The following NT5DC1 variants were observed in gnomAD, a reference collection of about 807,000 sequenced individuals.
NT5DC1 encodes the protein 5'-nucleotidase domain-containing protein 1.
In NT5DC1, 42 loss-of-function variants were observed where a neutral mutation model predicts 59.4. That is an observed-to-expected ratio of 0.71 (90% CI 0.55 to 0.92). The LOEUF (loss-of-function observed/expected upper bound fraction) is 0.92. Ranked by LOEUF, NT5DC1 falls within the 40% of genes least tolerant of loss-of-function variation. The probability of loss-of-function intolerance (pLI) is 0.00; values close to 1 mark genes in which losing one functional copy is unlikely to be tolerated. For missense variants in NT5DC1, 501 were observed against 537.1 expected (o/e 0.93, Z 0.66); for synonymous variants, 172 against 188.1 (o/e 0.91, Z 0.70).
chr6:116,138,951 T>C (rs1779693956), intron 6 of NT5DC1, among the ~76,000 whole-genome samples: 2 of 152,258 alleles, frequency 1.3e-5, no homozygotes, highest in South Asian at 4.1e-4. Context: ...CATTATTAGT[T>C]TTGTGACCAG....
chr6:116,101,308 G>A (rs1388242417), intron 1 of NT5DC1, among the ~76,000 whole-genome samples: 1 of 152,186 alleles, frequency 6.6e-6, no homozygotes. Context: ...CTGGGGAATC[G>A]GTGATTTCTA....
At chr6:116,220,781 G>A (rs1218760863) in intron 6 of NT5DC1, among the ~76,000 whole-genome samples, 1 of 152,210 alleles carries the variant, frequency 6.6e-6, no homozygotes, top group African/African-American at 2.4e-5. Context: ...TGATCATATT[G>A]TGTTTCTTGT....
chr6:116,202,391 A>G (rs1355411579), intron 6 of NT5DC1, among the ~76,000 whole-genome samples: 1 of 152,074 alleles, frequency 6.6e-6, no homozygotes, highest in African/African-American at 2.4e-5. Flanking sequence ...TCACTAAAAA[A>G]TAAAATTCAC....
intron 8 of NT5DC1, among the ~76,000 whole-genome samples, chr6:116,235,872 G>C (rs894065455): frequency 6.7e-6 from 1 of 148,884 alleles, no homozygotes; most frequent in East Asian, 2.0e-4. Context: ...TTTTCTGCCT[G>C]TCCTACTCCA....
chr6:116,159,386 G>T (rs1780278206), intron 6 of NT5DC1, among the ~76,000 whole-genome samples: 1 of 152,080 alleles, frequency 6.6e-6, no homozygotes, highest in Admixed American at 6.6e-5. Flanking sequence ...AATTATTTGA[G>T]AATTTACACA....
chr6:116,164,438 A>G (rs76852112), intron 6 of NT5DC1, among the ~76,000 whole-genome samples: 1 of 152,120 alleles, frequency 6.6e-6, no homozygotes, highest in Admixed American at 6.5e-5. Flanking sequence ...TTTGCATGAT[A>G]TATCTTTCTC....
chr6:116,113,199 T>A (rs1268367517), intron 4 of NT5DC1, among the ~76,000 whole-genome samples: 2 of 152,204 alleles, frequency 1.3e-5, no homozygotes, highest in Non-Finnish European at 2.9e-5. Flanking sequence ...CTGGATAAAG[T>A]GTCTCTGGTA....
At chr6:116,188,376 A>G (rs1164063228) in intron 6 of NT5DC1, among the ~76,000 whole-genome samples, 1 of 152,070 alleles carries the variant, frequency 6.6e-6, no homozygotes, top group Non-Finnish European at 1.5e-5. Context: ...GGCATTCACT[A>G]TTACACCAAA....
chr6:116,242,167 G>A (rs1361807741), intron 11 of NT5DC1, among the ~76,000 whole-genome samples: 1 of 150,428 alleles, frequency 6.6e-6, no homozygotes, highest in Non-Finnish European at 1.5e-5. Flanking sequence ...TCAGGAGATC[G>A]AGACCATCTT....
At chr6:116,116,643 A>AT (rs1206009906) in intron 5 of NT5DC1, among the ~76,000 whole-genome samples, 1 of 151,958 alleles carries the variant, frequency 6.6e-6, no homozygotes, top group Non-Finnish European at 1.5e-5. Context: ...CTGCGTCTCA[A>AT]AATAATAATA....
intron 6 of NT5DC1, among the ~76,000 whole-genome samples, chr6:116,159,922 A>ATGT (rs376283757): frequency 4.6e-5 from 7 of 152,220 alleles, no homozygotes; most frequent in African/African-American, 1.7e-4. Context: ...AGCTCTATCC[A>ATGT]TGTTGTTGCA....
chr6:116,166,076 C>T (rs1348275332), intron 6 of NT5DC1, among the ~76,000 whole-genome samples: 1 of 152,126 alleles, frequency 6.6e-6, no homozygotes, highest in Non-Finnish European at 1.5e-5. Context: ...GACAATTTGG[C>T]AGTCAGCAGC....
intron 8 of NT5DC1, among the ~76,000 whole-genome samples, chr6:116,229,516 C>T (rs539680561): frequency 1.8e-4 from 28 of 152,292 alleles, no homozygotes; most frequent in African/African-American, 6.7e-4. Flanking sequence ...CTCCTCCCTC[C>T]AGTCTGATTC....
chr6:116,148,599 A>T (rs1029145665), intron 6 of NT5DC1, among the ~76,000 whole-genome samples: 3 of 152,164 alleles, frequency 2.0e-5, no homozygotes, highest in Non-Finnish European at 2.9e-5. Context: ...ACAGTTTATT[A>T]TATGTATTTT....
chr6:116,224,407 C>T (rs1158730863), intron 8 of NT5DC1, among the ~76,000 whole-genome samples: 1 of 152,166 alleles, frequency 6.6e-6, no homozygotes, highest in Non-Finnish European at 1.5e-5. Context: ...AACATGTGAG[C>T]ACATCAGCAA....
At chr6:116,131,457 T>C (rs986955735) in intron 6 of NT5DC1, among the ~76,000 whole-genome samples, 1 of 152,228 alleles carries the variant, frequency 6.6e-6, no homozygotes, top group Non-Finnish European at 1.5e-5. Context: ...GTACATACTT[T>C]ATTTTGTAAA....
At position 116,102,943 on chromosome 6, in the gene NT5DC1, A is replaced by C. The variant is rs140416863; in HGVS notation, c.93+1920A>C. On this transcript the variant is annotated intron_variant, in intron 1 of 11. Transcript: ENST00000319550. The stretch of plus-strand genomic sequence containing the variant: ...CTGCACAGAAGCTCTTCATCCCATC[A>C]GGCCTCATCTTAAACATCGTTCCCC... 3.0e-3 allele frequency among the ~76,000 whole-genome samples: 462 copies of C among 152,352 alleles called. 2 individuals are homozygous for C. Among genetic ancestry groups the C allele is most frequent in the Middle Eastern group, 0.01 (3 of 294 alleles).
intron 8 of NT5DC1, among the ~76,000 whole-genome samples, chr6:116,225,342 G>A (rs1384954046): frequency 6.6e-5 from 10 of 152,206 alleles, no homozygotes; most frequent in African/African-American, 1.9e-4. Flanking sequence ...GGTATTTGAA[G>A]CCAGGGGATT....
rs59382013 is a variant in NT5DC1 at position 116,107,990 on chromosome 6, A to ATGTGTG, written c.186-360_186-355dup. On this transcript the variant is annotated intron_variant, in intron 2 of 11. Coordinates refer to ENST00000319550, the MANE Select transcript of NT5DC1 (RefSeq NM_152729.3). Reference sequence around the variant, plus strand: ...TAAGTGCTTAACTTGTAGAATATAAATGTGTGTGTGTGTGTGTGTATGTGT... The same window carrying ATGTGTG: ...TAAGTGCTTAACTTGTAGAATATAAATGTGTGTGTGTGTGTGTGTGTGTGTATGTGT... 2.0e-5 allele frequency among the ~76,000 whole-genome samples: 3 copies of ATGTGTG among 150,556 alleles called. No individual in the cohort carries two copies. The South Asian group carries it at 6.3e-4, about 32-fold the overall frequency.
Sources: gnomAD v4.1 joint callset for allele counts (sites outside exome capture counted in the v4.1 genomes callset) on GRCh38, gnomAD v4.1.1 for gene constraint, MANE v1.5 for transcripts, NCBI Gene and HGNC (gene_info 2026-07-23, HGNC 2026-07-21) for gene names.